The following ANKRD36C variants were observed in gnomAD, a reference collection of about 807,000 sequenced individuals.
ANKRD36C encodes ankyrin repeat domain-containing protein 36C.
ANKRD36C carries 61 observed loss-of-function variants against 276.4 expected under a neutral mutation model. That is an observed-to-expected ratio of 0.22 (90% confidence interval 0.18 to 0.27). ANKRD36C has a LOEUF of 0.27. Ranked by LOEUF, ANKRD36C falls within the 10% of genes least tolerant of loss-of-function variation. The pLI, the probability that ANKRD36C is intolerant of heterozygous loss-of-function variation, is 1.00. For missense variants in ANKRD36C, 1,447 were observed against 2,032.3 expected, an observed-to-expected ratio of 0.71 and a Z score of 5.54; for synonymous variants, 483 against 680.1, an observed-to-expected ratio of 0.71 and a Z score of 4.51.
chr2:95,902,520 T>G (rs957858658), intron 42 of ANKRD36C, among the ~76,000 whole-genome samples: 2 of 150,546 alleles, frequency 1.3e-5, no homozygotes, highest in African/African-American at 4.9e-5. Flanking sequence ...TTTCTATCTT[T>G]TCTTGGCAGT....
At chr2:95,914,061 TTATC>T (rs1169637972) in intron 40 of ANKRD36C, 43 bp downstream of exon 42, 1 of 1,503,438 alleles carries the variant, frequency 6.7e-7, no homozygotes, top group Non-Finnish European at 9.0e-7. Flanking sequence ...AGAGAATTTC[TTATC>T]TATCTCGACT....
At chr2:95,874,738 A>C (rs1675902918) in intron 59 of ANKRD36C, among the ~76,000 whole-genome samples, 1 of 152,250 alleles carries the variant, frequency 6.6e-6, no homozygotes, top group Non-Finnish European at 1.5e-5. Flanking sequence ...CAGAGTGAAC[A>C]GGCAACCTAC....
In ANKRD36C at chr2:95,853,818, T is replaced by C. The variant is rs750973714; in HGVS notation, c.5039A>G (p.Asn1680Ser). ...CAAAGCTTTTGTTGCTGATCGTTTG[T>C]TTAAGACATCATCTTGTTTTTGTTG... The change falls in exon 64 of 67, where the codon AAC becomes AGC. Residue 1680 changes from asparagine (N) to serine (S), a missense_variant. Around this residue, in one of 13 missense-constraint regions of ANKRD36C, gnomAD observed 437 missense variants for 641.0 expected, o/e 0.68. Transcript: ENST00000456556. The C allele has an allele frequency of 4.4e-6, 7 of 1,608,810 alleles. No individual in the cohort carries two copies. In the Middle Eastern group the frequency reaches 6.8e-4, roughly 156 times the overall value.
At chr2:95,949,130 T>C (rs150244771) in intron 16 of ANKRD36C, among the ~76,000 whole-genome samples, 77 of 152,286 alleles carry the variant, frequency 5.1e-4, no homozygotes, top group African/African-American at 1.7e-3. Context: ...CCACTGATTC[T>C]CTTCACCCTA....
chr2:95,985,293 T>C (rs1198309609), intron 3 of ANKRD36C, among the ~76,000 whole-genome samples: 4 of 152,200 alleles, frequency 2.6e-5, no homozygotes, highest in African/African-American at 9.6e-5. Flanking sequence ...AGGCCAATAT[T>C]ATTGGAAAGG....
At chr2:95,856,982 C>G (rs938698486) in intron 62 of ANKRD36C, among the ~76,000 whole-genome samples, 1 of 152,200 alleles carries the variant, frequency 6.6e-6, no homozygotes, top group East Asian at 1.9e-4. Context: ...ATTGTGATAA[C>G]TTTTATTCCT....
chr2:95,958,387 G>A (rs2104500215), intron 12 of ANKRD36C, among the ~76,000 whole-genome samples: 1 of 152,092 alleles, frequency 6.6e-6, no homozygotes, highest in African/African-American at 2.4e-5. Context: ...TTTCAATGTA[G>A]GGAAGTCTAT....
chr2:95,976,036 C>A (rs903982305), intron 6 of ANKRD36C, among the ~76,000 whole-genome samples: 1 of 152,174 alleles, frequency 6.6e-6, no homozygotes, highest in Non-Finnish European at 1.5e-5. Context: ...AAATGCTCAT[C>A]ATCACTGGCC....
intron 44 of ANKRD36C, among the ~76,000 whole-genome samples, chr2:95,892,768 T>A (rs928974664): frequency 2.0e-5 from 3 of 151,206 alleles, no homozygotes; most frequent in Non-Finnish European, 4.4e-5. Context: ...AGCTATTGTA[T>A]CCAAGAGGTA....
chr2:95,909,945 A>G (rs1336896819), intron 42 of ANKRD36C, among the ~76,000 whole-genome samples: 3 of 151,096 alleles, frequency 2.0e-5, no homozygotes, highest in East Asian at 3.9e-4. Context: ...TGATTGCTAC[A>G]CCAGGGGCCT....
At chr2:95,902,800 A>C in intron 42 of ANKRD36C, 86 bp downstream of exon 54, 1 of 1,428,134 alleles carries the variant, frequency 7.0e-7, no homozygotes. Context: ...GTGCAGCTTC[A>C]ACGAGCCCCC....
At chr2:95,948,982 C>G (rs1214976421) in intron 16 of ANKRD36C, among the ~76,000 whole-genome samples, 2 of 152,062 alleles carry the variant, frequency 1.3e-5, no homozygotes, top group Non-Finnish European at 2.9e-5. Flanking sequence ...TACTGAACTG[C>G]AGTAAACCTG....
At chr2:95,892,170 A>G (rs1340949206) in intron 44 of ANKRD36C, among the ~76,000 whole-genome samples, 3 of 151,606 alleles carry the variant, frequency 2.0e-5, no homozygotes, top group Non-Finnish European at 4.4e-5. Flanking sequence ...CTAAAATCAG[A>G]GGAGCAACTC....
intron 36 of ANKRD36C, among the ~76,000 whole-genome samples, chr2:95,916,915 C>T (rs371015947): frequency 5.3e-5 from 8 of 151,520 alleles, no homozygotes; most frequent in African/African-American, 1.7e-4. Flanking sequence ...CTGCTACAAG[C>T]GTTAGATATT....
At chr2:95,963,744 C>T (rs1421063915) in intron 6 of ANKRD36C, among the ~76,000 whole-genome samples, 1 of 107,988 alleles carries the variant, frequency 9.3e-6, no homozygotes, top group East Asian at 2.3e-4. Context: ...TCTTTGTACT[C>T]ATGAAGGCTC....
chr2:95,916,158 T>G, exon 37 of ANKRD36C: 1 of 1,605,316 alleles, frequency 6.2e-7, no homozygotes, highest in South Asian at 1.1e-5. Flanking sequence ...AGGCTGGTTT[T>G]TTCCGAGAAG....
chr2:95,931,039 TAC>T (rs1224779633), intron 24 of ANKRD36C, among the ~76,000 whole-genome samples: 1 of 151,712 alleles, frequency 6.6e-6, no homozygotes, highest in African/African-American at 2.4e-5. Flanking sequence ...CAATTTGACA[TAC>T]ATTCTTTTTT....
chr2:95,912,426 C>G (rs561401760), exon 41 of ANKRD36C: 1 of 1,604,610 alleles, frequency 6.2e-7, no homozygotes, highest in Non-Finnish European at 8.5e-7. Context: ...TGGTTTTTTC[C>G]GAGAAGACAC....
At chr2:95,968,935 T>C (rs1678646682) in intron 6 of ANKRD36C, among the ~76,000 whole-genome samples, 1 of 152,114 alleles carries the variant, frequency 6.6e-6, no homozygotes, top group Non-Finnish European at 1.5e-5. Flanking sequence ...GTGCAAGATA[T>C]GGGGGGAAAG....
Sources: allele counts gnomAD v4.1 joint callset (sites outside exome capture counted in the v4.1 genomes callset), GRCh38; gene constraint gnomAD v4.1.1; regional missense constraint gnomAD v4.1.1; transcripts MANE v1.5; gene names NCBI Gene and HGNC (gene_info 2026-07-23, HGNC 2026-07-21).